Variants in PTPRG observed in about 807,000 individuals in gnomAD.
PTPRG encodes protein tyrosine phosphatase receptor type G, also known as receptor-type tyrosine-protein phosphatase gamma.
In PTPRG, 102 loss-of-function variants were observed where a neutral mutation model predicts 165.3. The ratio of observed to expected loss-of-function variants is 0.62; its 90% CI spans 0.53 to 0.73. The LOEUF (loss-of-function observed/expected upper bound fraction) is 0.73. Ranked by LOEUF, PTPRG falls within the 30% of genes least tolerant of loss-of-function variation. The probability of loss-of-function intolerance (pLI) is 0.00; values close to 1 mark genes in which losing one functional copy is unlikely to be tolerated. For synonymous variants in PTPRG, 675 were observed against 669.5 expected, an observed-to-expected ratio of 1.01 and a Z score of -0.13; for missense variants, 1,866 against 1,861.4, an observed-to-expected ratio of 1.00 and a Z score of -0.05.
In PTPRG at chr3:62,293,163, A is replaced by G; in HGVS notation, c.4194A>G (p.Glu1398=). 1 of 1,584,204 alleles carries G rather than the reference A, an allele frequency of 6.3e-7. No homozygotes were observed. Among genetic ancestry groups the G allele is most frequent in the Non-Finnish European group, 8.6e-7 (1 of 1,169,028 alleles). The part of the protein sequence containing the change: ...LMRPGVFTDI[E]QYQFIYKAML... The stretch of plus-strand genomic sequence containing the variant: ...ACTGTCTTCCTCTTGTTTTTCAGGA[A>G]CAATACCAGTTCATCTATAAAGCAA... The change falls in exon 30 of 30, where the codon GAA becomes GAG. Residue 1398 remains glutamate, a splice_region_variant and synonymous_variant. Transcript: ENST00000474889.
chr3:61,668,278 G>T (rs1702863446), intron 1 of PTPRG, among the ~76,000 whole-genome samples: 1 of 152,176 alleles, frequency 6.6e-6, no homozygotes. Flanking sequence ...CCAGTGTTAT[G>T]ATGAATGTGA....
intron 2 of PTPRG, among the ~76,000 whole-genome samples, chr3:61,751,677 A>G (rs1249186389): frequency 6.6e-6 from 1 of 152,214 alleles, no homozygotes; most frequent in Non-Finnish European, 1.5e-5. Flanking sequence ...ACAGGGATTC[A>G]GTGAGATGAT....
At position 61,891,717 on chromosome 3, in the gene PTPRG, A is replaced by C. The variant is rs1278129260; in HGVS notation, c.191-97908A>C. On this transcript the variant is annotated intron_variant, in intron 2 of 29. Coordinates refer to ENST00000474889, the MANE Select transcript of PTPRG (RefSeq NM_002841.4). ...AACGCATTTTAATCTAAAGAGAGGCAAAGTGTTTTGTAAGCCATTATACAC... is the reference window on the plus strand; with the variant it reads ...AACGCATTTTAATCTAAAGAGAGGCCAAGTGTTTTGTAAGCCATTATACAC... 2.0e-5 allele frequency among the ~76,000 whole-genome samples: 3 copies of C among 152,358 alleles called. No individual in the cohort carries two copies. The East Asian group carries it at 5.8e-4, about 29-fold the overall frequency.
intron 1 of PTPRG, among the ~76,000 whole-genome samples, chr3:61,608,048 G>A (rs77370716): frequency 0.028 from 4,254 of 152,030 alleles, 193 homozygotes; most frequent in African/African-American, 0.095. Flanking sequence ...TACTGCATGA[G>A]GGCTGAAATA....
Position 61,596,623 on chromosome 3 carries a change from C to T in PTPRG, c.85+34251C>T, listed in dbSNP as rs181852014. Reference sequence around the variant, plus strand: ...TGAGGAAACTGAGATTCAGAAAGTCCGAGACCCATTCAGAGTCACTGTGAG... The same window carrying T: ...TGAGGAAACTGAGATTCAGAAAGTCTGAGACCCATTCAGAGTCACTGTGAG... On this transcript the variant is annotated intron_variant, in intron 1 of 29. Transcript: ENST00000474889. Among the ~76,000 whole-genome samples the T allele has an allele frequency of 3.5e-3, 539 of 152,088 alleles. 3 individuals carry two copies. The highest frequency in any genetic ancestry group is 0.013 in the African/African-American group (523 of 41,472).
chr3:62,047,997 C>G (rs933609049), intron 4 of PTPRG, among the ~76,000 whole-genome samples: 1 of 152,086 alleles, frequency 6.6e-6, no homozygotes, highest in African/African-American at 2.4e-5. Context: ...TAACCTGGCG[C>G]TCCATTAATT....
chr3:61,974,598 C>T (rs1201055516), intron 2 of PTPRG, among the ~76,000 whole-genome samples: 1 of 152,060 alleles, frequency 6.6e-6, no homozygotes, highest in Non-Finnish European at 1.5e-5. Context: ...GAACACTGTG[C>T]CTTTTCGTGA....
chr3:62,292,927 A>G (rs1367500061), intron 29 of PTPRG, among the ~76,000 whole-genome samples: 1 of 152,304 alleles, frequency 6.6e-6, no homozygotes, highest in African/African-American at 2.4e-5. Context: ...TTCATTAACA[A>G]TCAGCACTGA....
chr3:62,187,187 CA>C (rs549443226), intron 8 of PTPRG, among the ~76,000 whole-genome samples: 203 of 152,342 alleles, frequency 1.3e-3, no homozygotes, highest in African/African-American at 4.7e-3. Flanking sequence ...TCAATGAAGT[CA>C]ATAATACAAC....
chr3:62,034,738 A>G lies in PTPRG; in HGVS notation c.519+31241A>G, dbSNP rs1035461648. 1.2e-4 allele frequency among the ~76,000 whole-genome samples: 18 copies of G among 152,344 alleles called. No individual in the cohort carries two copies. The East Asian group carries it at 3.5e-3, about 29-fold the overall frequency. ...AAATTTTTTAAATGTCCGTGCTGGC[A>G]GCGGACAAGGATGAATGATTAAAAA... On this transcript the variant is annotated intron_variant, in intron 4 of 29. Coordinates refer to ENST00000474889, the MANE Select transcript of PTPRG (RefSeq NM_002841.4).
intron 4 of PTPRG, among the ~76,000 whole-genome samples, chr3:62,064,721 ATTTTTTT>A (rs35605831): frequency 0.021 from 1,312 of 62,966 alleles, 18 homozygotes; most frequent in African/African-American, 0.074. Context: ...GGTTATTTGG[ATTTTTTT>A]TTTTTTTTTT....
At chr3:61,729,821 T>G (rs1430325710) in intron 1 of PTPRG, among the ~76,000 whole-genome samples, 1 of 152,332 alleles carries the variant, frequency 6.6e-6, no homozygotes, top group African/African-American at 2.4e-5. Context: ...TGTACTCTGC[T>G]CATTAATGTA....
intron 1 of PTPRG, among the ~76,000 whole-genome samples, chr3:61,563,637 A>T (rs1421280168): frequency 2.0e-5 from 3 of 152,094 alleles, no homozygotes; most frequent in Admixed American, 6.5e-5. Context: ...GCATACCCGG[A>T]GGTGGAGGTT....
chr3:61,802,987 CA>C (rs1368672807), intron 2 of PTPRG, among the ~76,000 whole-genome samples: 4 of 152,212 alleles, frequency 2.6e-5, no homozygotes, highest in Non-Finnish European at 5.9e-5. Context: ...CCTGGGTAGG[CA>C]AACTAGGGCA....
At chr3:61,777,416 C>G (rs2034419709) in intron 2 of PTPRG, among the ~76,000 whole-genome samples, 1 of 152,210 alleles carries the variant, frequency 6.6e-6, no homozygotes, top group South Asian at 2.1e-4. Context: ...ATCTTTTCCT[C>G]TTTCATTTCA....
At chr3:61,680,649 A>G (rs1012240363) in intron 1 of PTPRG, among the ~76,000 whole-genome samples, 6 of 151,920 alleles carry the variant, frequency 3.9e-5, no homozygotes, top group African/African-American at 1.4e-4. Flanking sequence ...GGGGAAAAAA[A>G]AAAGAGGGCA....
intron 5 of PTPRG, among the ~76,000 whole-genome samples, chr3:62,119,167 A>G (rs1162378074): frequency 1.3e-5 from 2 of 152,210 alleles, no homozygotes; most frequent in Non-Finnish European, 2.9e-5. Context: ...GTTGTGTTAC[A>G]GGTGGGTGTG....
chr3:61,737,611 G>T (rs1448927598), intron 1 of PTPRG, among the ~76,000 whole-genome samples: 1 of 152,066 alleles, frequency 6.6e-6, no homozygotes. Context: ...CCTGGCTCTG[G>T]AAGTCAGAGG....
intron 2 of PTPRG, among the ~76,000 whole-genome samples, chr3:61,841,939 T>A (rs1470133838): frequency 6.6e-6 from 1 of 152,194 alleles, no homozygotes; most frequent in Non-Finnish European, 1.5e-5. Flanking sequence ...ACAAGAGAAC[T>A]TGGGTCACCA....
Sources: allele counts gnomAD v4.1 joint callset (sites outside exome capture counted in the v4.1 genomes callset), GRCh38; gene constraint gnomAD v4.1.1; transcripts MANE v1.5; gene names NCBI Gene and HGNC (gene_info 2026-07-23, HGNC 2026-07-21).